SLC7A5: variants seen among roughly 807,000 people sequenced by gnomAD.
SLC7A5 encodes the protein large neutral amino acids transporter small subunit 1.
A neutral mutation model predicts 50.2 loss-of-function variants in SLC7A5; 23 were observed. The ratio of observed to expected loss-of-function variants is 0.46; its 90% CI spans 0.33 to 0.65. SLC7A5 has a LOEUF of 0.65. SLC7A5 is among the 30% of genes least tolerant of loss of function. The probability of loss-of-function intolerance (pLI) is 0.02; values close to 1 mark genes in which losing one functional copy is unlikely to be tolerated. For missense variants in SLC7A5, 578 were observed against 684.4 expected (o/e 0.84, Z 1.73); for synonymous variants, 393 against 330.6 (o/e 1.19, Z -2.05).
rs540504058 is a variant in SLC7A5, at chr16:87,833,465, C to T, written c.1469-440G>A. On this transcript the variant is annotated intron_variant, in intron 9 of 9. Coordinates refer to ENST00000261622, the MANE Select transcript of SLC7A5 (RefSeq NM_003486.7). The surrounding 1 kb of genome is among the most constrained non-coding windows in gnomAD (Gnocchi z 6.0). ...TAACGGGTCCTCGGAAGACCTGTCG[C>T]GCCTGGGACTGTCTACAGAGACATC... is the stretch of plus-strand genomic sequence containing the variant. Among the ~76,000 whole-genome samples, 1 of 152,158 alleles carries T rather than the reference C, an allele frequency of 6.6e-6. No individual in the cohort carries two copies. The highest frequency in any genetic ancestry group is 2.4e-5 in the African/African-American group (1 of 41,444).
rs778907007 is a variant in SLC7A5, at chr16:87,839,789, G to A, written c.852C>T (p.Ile284=). ...TGGTCAGCACGTACACCAGCGTCACGATGGGCAGGGAGATGATGATGGCCA... is the reference window on the plus strand; with the variant it reads ...TGGTCAGCACGTACACCAGCGTCACAATGGGCAGGGAGATGATGATGGCCA... ...LPLAIIISLP[I]VTLVYVLTNL... The change falls in exon 5 of 10, where the codon ATC becomes ATT. Residue 284 remains isoleucine (I), a synonymous_variant. Coordinates refer to ENST00000261622, the MANE Select transcript of SLC7A5 (RefSeq NM_003486.7). The A allele has an allele frequency of 2.0e-5, 33 of 1,613,856 alleles. No homozygotes were observed. Among genetic ancestry groups the A allele is most frequent in the Non-Finnish European group, 2.5e-5 (29 of 1,179,984 alleles).
chr16:87,866,409 C>T (rs918495075), intron 1 of SLC7A5, among the ~76,000 whole-genome samples: 10 of 152,184 alleles, frequency 6.6e-5, no homozygotes, highest in Non-Finnish European at 1.0e-4. Flanking sequence ...TCAAGCAGTT[C>T]TCCTGCCTCA....
chr16:87,852,666 G>GTGTGTGTA lies in SLC7A5; in HGVS notation c.539-818_539-817insTACACACA, dbSNP rs1479463110. Among the ~76,000 whole-genome samples, 1 of 150,142 alleles carries GTGTGTGTA rather than the reference G, an allele frequency of 6.7e-6. No individual in the cohort carries two copies. Among genetic ancestry groups the GTGTGTGTA allele is most frequent in the East Asian group, 2.0e-4 (1 of 5,120 alleles). On this transcript the variant is annotated intron_variant, in intron 1 of 9. Coordinates refer to ENST00000261622, the MANE Select transcript of SLC7A5 (RefSeq NM_003486.7). This position sits in a 1 kb window ranked among gnomAD's most constrained non-coding sequence, Gnocchi z 4.5. ...TGTGTGTGTGTGTGTGTGTGTGTGT[G>GTGTGTGTA]TGTGTGTGTGTGTGTGTGTGTTGGG... is the stretch of plus-strand genomic sequence containing the variant.
intron 9 of SLC7A5, 57 bp downstream of exon 9, chr16:87,834,357 T>G: frequency 6.5e-7 from 1 of 1,531,970 alleles, no homozygotes; most frequent in South Asian, 1.2e-5. Context: ...GCCTCTCAAC[T>G]CCCTTCGCTG....
intron 1 of SLC7A5, among the ~76,000 whole-genome samples, chr16:87,856,357 A>G (rs1416085576): frequency 2.0e-5 from 3 of 152,210 alleles, no homozygotes; most frequent in Non-Finnish European, 1.5e-5. Flanking sequence ...TGCCTGCTGG[A>G]GACAGCACAG....
chr16:87,868,524 T>C (rs953454984), intron 1 of SLC7A5, among the ~76,000 whole-genome samples: 1 of 152,182 alleles, frequency 6.6e-6, no homozygotes, highest in Non-Finnish European at 1.5e-5. Context: ...AGTAAACCGA[T>C]TGCTCAGTTA....
intron 2 of SLC7A5, among the ~76,000 whole-genome samples, chr16:87,847,771 G>A (rs2055172415): frequency 6.6e-6 from 1 of 152,176 alleles, no homozygotes; most frequent in African/African-American, 2.4e-5. Context: ...GGGACCTGGG[G>A]CAGGGCACCC....
intron 1 of SLC7A5, among the ~76,000 whole-genome samples, chr16:87,855,937 C>T (rs1245757183): frequency 6.6e-6 from 1 of 152,204 alleles, no homozygotes; most frequent in East Asian, 1.9e-4. Context: ...CTGTTGGCCA[C>T]AGAGGCTGCT....
rs369484595 is a variant in SLC7A5 at position 87,839,669 on chromosome 16, G to A, written c.939+33C>T. ...GGACGGGCTGGCCACAGCCTCTCAG[G>A]CCCCTGGTGGAAGCTGGCGGGTAGC... On this transcript the variant is annotated intron_variant, in intron 5 of 9. Coordinates refer to ENST00000261622, the MANE Select transcript of SLC7A5 (RefSeq NM_003486.7). 8.8e-4 allele frequency: 1,420 copies of A among 1,612,096 alleles called. 1 individual carries two copies. The highest frequency in any genetic ancestry group is 1.1e-3 in the Non-Finnish European group (1,337 of 1,179,464).
At chr16:87,847,182 G>A (rs1341509841) in intron 2 of SLC7A5, among the ~76,000 whole-genome samples, 2 of 152,194 alleles carry the variant, frequency 1.3e-5, no homozygotes, top group Non-Finnish European at 2.9e-5. Flanking sequence ...ACAGCCCAGG[G>A]GGGCTTCTCA....
intron 2 of SLC7A5, among the ~76,000 whole-genome samples, chr16:87,847,106 C>G (rs2055163563): frequency 6.6e-6 from 1 of 152,184 alleles, no homozygotes; most frequent in South Asian, 2.1e-4. Flanking sequence ...CGCCTAGAAG[C>G]CCAGCTATGG....
chr16:87,869,461 G>A lies in SLC7A5; in HGVS notation c.-39C>T, dbSNP rs924293973. 43 of 1,334,616 alleles carry A rather than the reference G, an allele frequency of 3.2e-5. No individual in the cohort carries two copies. The African/African-American group carries it at 6.4e-4, about 20-fold the overall frequency. The allele number at this position is 1,334,616 out of a possible 1,614,324, so 82.7% of individuals were successfully genotyped here. A position where few individuals can be genotyped will look rare whatever the true frequency, so the allele number is the denominator to read the frequency against. ...GCCGGGCCTGGGACACCCGGGAGCCGCGGCCCAGCGAGCAGTGTGCGCGCC... is the reference window on the plus strand; with the variant it reads ...GCCGGGCCTGGGACACCCGGGAGCCACGGCCCAGCGAGCAGTGTGCGCGCC... On this transcript the variant is annotated 5_prime_UTR_variant, in exon 1 of 10. Coordinates refer to ENST00000261622, the MANE Select transcript of SLC7A5 (RefSeq NM_003486.7).
chr16:87,863,351 C>G lies in SLC7A5; in HGVS notation c.538+5534G>C, dbSNP rs182614658. Among the ~76,000 whole-genome samples the G allele has an allele frequency of 3.4e-4, 52 of 152,302 alleles. No homozygotes were observed. In the East Asian group the frequency reaches 7.7e-3, roughly 23 times the overall value. ...GGGACTTTGAGTGGATGCTACCCTA[C>G]TCGCTATGCAGAGCCAGCTGGGGCC... is the stretch of plus-strand genomic sequence containing the variant. On this transcript the variant is annotated intron_variant, in intron 1 of 9. Transcript: ENST00000261622.
rs1042735746 is a variant in SLC7A5 at position 87,869,355 on chromosome 16, C to T, written c.68G>A (p.Arg23Gln). The change falls in exon 1 of 10, where the codon CGG becomes CAG. Residue 23 changes from arginine to glutamine, a missense_variant. Physicochemically the swap from Arg to Gln is conservative, Grantham distance 43. Transcript: ENST00000261622. ...APAAEEKEEA[R>Q]EKMLAAKSAD... is the part of the protein sequence containing the mutation. ...GCTCTTGGCGGCCAGCATCTTCTCC[C>T]GCGCCTCTTCCTTCTCCTCGGCCGC... 5.6e-6 allele frequency: 9 copies of T among 1,608,612 alleles called. No homozygotes were observed. The highest frequency in any genetic ancestry group is 6.8e-6 in the Non-Finnish European group (8 of 1,178,592).
chr16:87,869,173 G>T lies in SLC7A5; in HGVS notation c.250C>A (p.Leu84Met), dbSNP rs776969262. ...GVLKEAGSPG[L>M]ALVVWAACGV... is the part of the protein sequence containing the mutation. ...CACGCGGCCCACACCACCAGCGCCA[G>T]CCCCGGCGAGCCTGCCTCCTTGAGC... is the stretch of plus-strand genomic sequence containing the variant. Residue 84 changes from leucine to methionine, a missense_variant, in exon 1 of 10, where the codon CTG (leucine) becomes ATG (methionine). By Grantham distance (15) the Leu-to-Met change is conservative. Coordinates refer to ENST00000261622, the MANE Select transcript of SLC7A5 (RefSeq NM_003486.7). 3 of 1,611,940 alleles carry T rather than the reference G, an allele frequency of 1.9e-6. No homozygotes were observed. Among genetic ancestry groups the T allele is most frequent in the Non-Finnish European group, 2.5e-6 (3 of 1,179,730 alleles).
chr16:87,840,617 G>T, intron 3 of SLC7A5, 144 bp from the exon 4 acceptor site: 1 of 703,196 alleles, frequency 1.4e-6, no homozygotes, highest in South Asian at 1.6e-5. Context: ...GGAGTGGGAG[G>T]GAGCTCAGCC....
Position 87,841,618 on chromosome 16 carries a change from A to C in SLC7A5, c.665-463T>G, listed in dbSNP as rs542197329. ...CTTCTTGGGGTGCGAGGAGCTCGGAACAGACTGCCCTCCCTCCAGGGCTGG... is the reference window on the plus strand; with the variant it reads ...CTTCTTGGGGTGCGAGGAGCTCGGACCAGACTGCCCTCCCTCCAGGGCTGG... On this transcript the variant is annotated intron_variant, in intron 2 of 9. Transcript: ENST00000261622. This position sits in a 1 kb window ranked among gnomAD's most constrained non-coding sequence, Gnocchi z 4.8. Among the ~76,000 whole-genome samples, 1 of 152,340 alleles carries C rather than the reference A, an allele frequency of 6.6e-6. No individual in the cohort carries two copies. The highest frequency in any genetic ancestry group is 2.4e-5 in the African/African-American group (1 of 41,584).
intron 1 of SLC7A5, chr16:87,863,630 G>A (rs1469644174): frequency 2.6e-5 from 4 of 152,026 alleles, no homozygotes; most frequent in Admixed American, 2.0e-4. Context: ...GAAGACACGC[G>A]TGAAAGGACC....
intron 1 of SLC7A5, 48 bp downstream of exon 1, chr16:87,868,837 A>G (rs767345423): frequency 6.5e-7 from 1 of 1,541,888 alleles, no homozygotes; most frequent in Non-Finnish European, 8.8e-7. Context: ...GGATGCAGGG[A>G]CCCAGAGACT....
Sources: allele counts gnomAD v4.1 joint callset (sites outside exome capture counted in the v4.1 genomes callset), GRCh38; gene constraint gnomAD v4.1.1; non-coding constraint Gnocchi (gnomAD v3.1); transcripts MANE v1.5; gene names NCBI Gene and HGNC (gene_info 2026-07-23, HGNC 2026-07-21).